The following POU6F2 variants were observed in gnomAD, a reference collection of about 807,000 sequenced individuals.
POU6F2 encodes POU class 6 homeobox 2.
In POU6F2, 31 loss-of-function variants were observed where a neutral mutation model predicts 71.3. The observed-to-expected ratio is 0.43, with a 90% CI of 0.33 to 0.59. The LOEUF (loss-of-function observed/expected upper bound fraction) is 0.59. Ranked by LOEUF, POU6F2 falls within the 20% of genes least tolerant of loss-of-function variation. The pLI, the probability that POU6F2 is intolerant of heterozygous loss-of-function variation, is 0.04. For missense variants in POU6F2, 783 were observed against 856.8 expected (o/e 0.91, Z 1.07); for synonymous variants, 347 against 355.7 (o/e 0.98, Z 0.27).
rs746248719 is a variant in POU6F2 at position 39,085,859 on chromosome 7, G to GGA, written c.106_107dup (p.Asp36GlufsTer4). 1.2e-5 allele frequency: 20 copies of GGA among 1,612,970 alleles called. No individual in the cohort carries two copies. Among genetic ancestry groups the GGA allele is most frequent in the Non-Finnish European group, 1.5e-5 (18 of 1,179,566 alleles). On this transcript the variant is annotated frameshift_variant and splice_region_variant. Transcript: ENST00000518318. LOFTEE classifies it high-confidence loss of function. The stretch of plus-strand genomic sequence containing the variant: ...CCCTTCACTCTTTTCGCCCATCCTA[G>GGA]GATCCAATGATAGCTGGACAAGTCA...
chr7:39,404,259 G>A (rs951348380), intron 5 of POU6F2, among the ~76,000 whole-genome samples: 1 of 152,180 alleles, frequency 6.6e-6, no homozygotes, highest in African/African-American at 2.4e-5. Flanking sequence ...TTTGTATTCA[G>A]AATAATTGTT....
intron 2 of POU6F2, among the ~76,000 whole-genome samples, chr7:39,197,140 C>T (rs1793803933): frequency 6.6e-6 from 1 of 152,190 alleles, no homozygotes; most frequent in South Asian, 2.1e-4. Context: ...GTTTCCTCAC[C>T]TCCCCAGGAC....
chr7:39,411,766 A>G (rs1787555751), intron 6 of POU6F2, among the ~76,000 whole-genome samples: 1 of 152,196 alleles, frequency 6.6e-6, no homozygotes, highest in African/African-American at 2.4e-5. Context: ...ACAGTAGCCT[A>G]TGCATTATGA....
intron 1 of POU6F2, among the ~76,000 whole-genome samples, chr7:38,978,502 C>G (rs1180480471): frequency 6.6e-6 from 1 of 152,148 alleles, no homozygotes; most frequent in Non-Finnish European, 1.5e-5. Flanking sequence ...CCCTCTCTCC[C>G]TTTCTCCATA....
At chr7:39,251,249 G>A (rs1195111261) in intron 4 of POU6F2, among the ~76,000 whole-genome samples, 3 of 152,130 alleles carry the variant, frequency 2.0e-5, no homozygotes, top group Non-Finnish European at 4.4e-5. Flanking sequence ...TGATCAGCCT[G>A]GTCTGTGCTG....
In POU6F2 at chr7:39,465,239, C is replaced by T. The variant is rs1056046938; in HGVS notation, c.*553C>T. On this transcript the variant is annotated 3_prime_UTR_variant, in exon 10 of 10. Coordinates refer to ENST00000518318, the MANE Select transcript of POU6F2 (RefSeq NM_001370959.1). ...AAGTCAGAAACATGGCATTGCAACG[C>T]GATCGTTCGTCTACGCTTCTCCGCA... 2.6e-5 allele frequency: 4 copies of T among 152,514 alleles called. No homozygotes were observed. Among genetic ancestry groups the T allele is most frequent in the African/African-American group, 9.6e-5 (4 of 41,454 alleles). 9.4% of individuals were successfully genotyped at this position (152,514 alleles called of 1,614,324 possible). A position where few individuals can be genotyped will look rare whatever the true frequency, so the allele number is the denominator to read the frequency against.
intron 7 of POU6F2, among the ~76,000 whole-genome samples, chr7:39,438,306 A>G (rs1195217855): frequency 1.3e-5 from 2 of 152,186 alleles, no homozygotes; most frequent in Non-Finnish European, 2.9e-5. Context: ...ATAGTATTCC[A>G]TGGTGCATAT....
At chr7:39,287,604 G>A (rs1784673906) in intron 4 of POU6F2, among the ~76,000 whole-genome samples, 1 of 152,106 alleles carries the variant, frequency 6.6e-6, no homozygotes, top group Admixed American at 6.5e-5. Context: ...CCTCTTAACT[G>A]TGTTTGGTTT....
At chr7:39,158,270 A>G (rs1202290577) in intron 2 of POU6F2, among the ~76,000 whole-genome samples, 3 of 152,204 alleles carry the variant, frequency 2.0e-5, no homozygotes, top group African/African-American at 4.8e-5. Flanking sequence ...TGATTATTAA[A>G]TATTCTAATT....
At chr7:39,022,668 C>T (rs887573097) in intron 1 of POU6F2, among the ~76,000 whole-genome samples, 6 of 152,054 alleles carry the variant, frequency 3.9e-5, no homozygotes, top group Admixed American at 2.0e-4. Flanking sequence ...CTGTGATATT[C>T]ATTGTTTTCA....
At chr7:39,218,837 A>G (rs1487312799) in intron 4 of POU6F2, among the ~76,000 whole-genome samples, 1 of 152,212 alleles carries the variant, frequency 6.6e-6, no homozygotes, top group African/African-American at 2.4e-5. Context: ...AATTTGCTGT[A>G]GAATACTGAG....
At chr7:39,113,138 C>T (rs1791855433) in intron 2 of POU6F2, among the ~76,000 whole-genome samples, 1 of 152,074 alleles carries the variant, frequency 6.6e-6, no homozygotes, top group Admixed American at 6.6e-5. Context: ...AAACTATGCT[C>T]AAGGAAGGGC....
rs57232195 is a variant in POU6F2 at position 39,184,194 on chromosome 7, A to G, written c.278-20041A>G. 2.5e-3 allele frequency among the ~76,000 whole-genome samples: 378 copies of G among 152,368 alleles called. 2 individuals are homozygous for G. The highest frequency in any genetic ancestry group is 8.8e-3 in the African/African-American group (368 of 41,588). ...ATTTGCACAGCAATAGAATCATCATAAAGATTACAGTGACCCAATCTGTTA... is the reference window on the plus strand; with the variant it reads ...ATTTGCACAGCAATAGAATCATCATGAAGATTACAGTGACCCAATCTGTTA... On this transcript the variant is annotated intron_variant, in intron 2 of 9. Coordinates refer to ENST00000518318, the MANE Select transcript of POU6F2 (RefSeq NM_001370959.1).
At chr7:39,177,559 A>G (rs1316567730) in intron 2 of POU6F2, among the ~76,000 whole-genome samples, 2 of 152,256 alleles carry the variant, frequency 1.3e-5, no homozygotes, top group Non-Finnish European at 2.9e-5. Flanking sequence ...GTTGCATTTC[A>G]TCTACATTGC....
chr7:39,396,426 G>A (rs547896892), intron 5 of POU6F2, among the ~76,000 whole-genome samples: 17 of 152,226 alleles, frequency 1.1e-4, no homozygotes, highest in Non-Finnish European at 2.1e-4. Context: ...CTCCCTAGGT[G>A]CAGAGCTCAT....
At position 39,162,422 on chromosome 7, in the gene POU6F2, C is replaced by A. The variant is rs563906682; in HGVS notation, c.278-41813C>A. On this transcript the variant is annotated intron_variant, in intron 2 of 9. Transcript: ENST00000518318. The stretch of plus-strand genomic sequence containing the variant: ...AGTTACTCTATGCCAATAAATACAA[C>A]AAAGTTTTACATCTTCCAAAACGGT... Among the ~76,000 whole-genome samples, 41 of 152,288 alleles carry A rather than the reference C, an allele frequency of 2.7e-4. No homozygotes were observed. In the East Asian group the frequency reaches 7.3e-3, roughly 27 times the overall value.
At chr7:39,235,901 A>AC (rs1391950318) in intron 4 of POU6F2, among the ~76,000 whole-genome samples, 25 of 152,152 alleles carry the variant, frequency 1.6e-4, no homozygotes, top group Admixed American at 1.6e-3. Context: ...TCCAATCGAG[A>AC]GCATCATTTG....
intron 2 of POU6F2, among the ~76,000 whole-genome samples, chr7:39,168,423 A>G (rs1034400720): frequency 1.1e-4 from 16 of 152,224 alleles, no homozygotes; most frequent in African/African-American, 3.9e-4. Flanking sequence ...TATTCTTTCT[A>G]CTAATGTAAC....
intron 2 of POU6F2, among the ~76,000 whole-genome samples, chr7:39,163,955 G>C (rs1042019413): frequency 6.6e-6 from 1 of 152,160 alleles, no homozygotes; most frequent in Non-Finnish European, 1.5e-5. Context: ...CCGGGGAGAA[G>C]GGGAGATGTT....
Sources: allele counts gnomAD v4.1 joint callset (sites outside exome capture counted in the v4.1 genomes callset), GRCh38; gene constraint gnomAD v4.1.1; transcripts MANE v1.5; gene names NCBI Gene and HGNC (gene_info 2026-07-23, HGNC 2026-07-21).